The following GRM7 variants were observed in gnomAD, a reference collection of about 807,000 sequenced individuals.
The protein encoded by GRM7 is glutamate metabotropic receptor 7.
In GRM7, 35 loss-of-function variants were observed where a neutral mutation model predicts 84.5. The observed-to-expected ratio is 0.41, with a 90% CI of 0.32 to 0.55. The LOEUF is 0.55. Ranked by LOEUF, GRM7 falls within the 20% of genes least tolerant of loss-of-function variation. GRM7 has a pLI of 0.19. For missense variants in GRM7, 1,003 were observed against 1,194.6 expected, an observed-to-expected ratio of 0.84 and a Z score of 2.36; for synonymous variants, 487 against 455.1, an observed-to-expected ratio of 1.07 and a Z score of -0.89.
At chr3:7,544,625 G>A (rs1347245094) in intron 7 of GRM7, among the ~76,000 whole-genome samples, 3 of 152,086 alleles carry the variant, frequency 2.0e-5, no homozygotes, top group Non-Finnish European at 2.9e-5. Flanking sequence ...CCCAAGTCTC[G>A]ACTTATACAG....
chr3:7,613,573 T>C (rs896120247), intron 8 of GRM7, among the ~76,000 whole-genome samples: 1 of 152,164 alleles, frequency 6.6e-6, no homozygotes, highest in Non-Finnish European at 1.5e-5. Flanking sequence ...TGTTTTCCCC[T>C]AGAAGTTTCA....
chr3:6,939,238 T>C (rs1697803183), intron 1 of GRM7, among the ~76,000 whole-genome samples: 2 of 152,158 alleles, frequency 1.3e-5, no homozygotes, highest in South Asian at 2.1e-4. Context: ...AGGCTTTAGT[T>C]GTAATAAGAA....
chr3:7,018,518 C>T (rs1489925758), intron 1 of GRM7, among the ~76,000 whole-genome samples: 2 of 152,226 alleles, frequency 1.3e-5, no homozygotes, highest in Non-Finnish European at 2.9e-5. Context: ...CCATACTGTA[C>T]TTTTGGGCTG....
chr3:7,476,028 G>A (rs1353363683), intron 7 of GRM7, among the ~76,000 whole-genome samples: 1 of 152,156 alleles, frequency 6.6e-6, no homozygotes, highest in Non-Finnish European at 1.5e-5. Flanking sequence ...TAGTAGATCA[G>A]TATTCACACG....
At chr3:7,440,943 G>A (rs539751108) in intron 5 of GRM7, among the ~76,000 whole-genome samples, 36 of 152,192 alleles carry the variant, frequency 2.4e-4, no homozygotes, top group African/African-American at 6.7e-4. Context: ...TGTGAATAGC[G>A]CTGCCATGAA....
chr3:7,087,392 CTTTTT>C (rs55998387), intron 1 of GRM7, among the ~76,000 whole-genome samples: 2 of 147,212 alleles, frequency 1.4e-5, no homozygotes, highest in African/African-American at 2.5e-5. Context: ...AGAATATGCT[CTTTTT>C]TTTTTTTTTA....
chr3:7,543,782 G>A (rs990978142), intron 7 of GRM7, among the ~76,000 whole-genome samples: 1 of 152,200 alleles, frequency 6.6e-6, no homozygotes, highest in African/African-American at 2.4e-5. Flanking sequence ...CATGGTGAGC[G>A]CTTGCCTCAA....
chr3:7,645,618 C>CTAA (rs1237634202), intron 8 of GRM7, among the ~76,000 whole-genome samples: 5 of 150,504 alleles, frequency 3.3e-5, no homozygotes, highest in African/African-American at 1.2e-4. Context: ...CCCACCAAAC[C>CTAA]TAATTGACAA....
At chr3:7,698,092 T>C (rs777467885) in intron 9 of GRM7, among the ~76,000 whole-genome samples, 3 of 152,114 alleles carry the variant, frequency 2.0e-5, no homozygotes, top group Non-Finnish European at 2.9e-5. Context: ...AGTTTGCAAT[T>C]AAAAGGAGAA....
At chr3:7,562,664 A>G (rs1694079919) in intron 7 of GRM7, among the ~76,000 whole-genome samples, 1 of 152,168 alleles carries the variant, frequency 6.6e-6, no homozygotes, top group South Asian at 2.1e-4. Context: ...GAAAGAATAC[A>G]GATTCCACAG....
intron 5 of GRM7, among the ~76,000 whole-genome samples, chr3:7,438,036 G>A (rs1697131124): frequency 6.6e-6 from 1 of 152,008 alleles, no homozygotes; most frequent in Non-Finnish European, 1.5e-5. Context: ...GTGACTGAAG[G>A]GAGTCAGATT....
intron 1 of GRM7, among the ~76,000 whole-genome samples, chr3:6,864,322 T>C (rs1382858556): frequency 6.6e-6 from 1 of 152,200 alleles, no homozygotes; most frequent in Non-Finnish European, 1.5e-5. Context: ...TCACTGCCCA[T>C]GTTGGAATAT....
chr3:7,505,952 C>T (rs1016177572), intron 7 of GRM7, among the ~76,000 whole-genome samples: 9 of 152,318 alleles, frequency 5.9e-5, no homozygotes, highest in East Asian at 5.8e-4. Flanking sequence ...CATTCTCTAC[C>T]GCATCACCAG....
chr3:7,088,205 G>C (rs1255644800), intron 1 of GRM7, among the ~76,000 whole-genome samples: 1 of 150,486 alleles, frequency 6.6e-6, no homozygotes, highest in Non-Finnish European at 1.5e-5. Context: ...CCTGGGACAT[G>C]GGATTGAACT....
At chr3:7,417,973 C>A (rs1337308043) in intron 5 of GRM7, among the ~76,000 whole-genome samples, 1 of 151,998 alleles carries the variant, frequency 6.6e-6, no homozygotes, top group Non-Finnish European at 1.5e-5. Context: ...AATGCAAAGT[C>A]ATGAGAGGAA....
intron 1 of GRM7, among the ~76,000 whole-genome samples, chr3:7,010,867 A>G (rs572324178): frequency 9.2e-5 from 14 of 152,308 alleles, no homozygotes; most frequent in African/African-American, 2.9e-4. Flanking sequence ...AGAAAATGGG[A>G]AAAAAGCAAA....
At chr3:7,214,729 G>A (rs569361661) in intron 2 of GRM7, among the ~76,000 whole-genome samples, 1 of 152,246 alleles carries the variant, frequency 6.6e-6, no homozygotes, top group South Asian at 2.1e-4. Context: ...ATGCTGGCAG[G>A]TTTGAAAAAT....
rs959569219 is a variant in GRM7 at position 7,456,959 on chromosome 3, C to T, written c.1375+4152C>T. On this transcript the variant is annotated intron_variant, in intron 6 of 9. Transcript: ENST00000357716. The stretch of plus-strand genomic sequence containing the variant: ...TTTACTCATTCAATTTTCTGACTTT[C>T]GGTTAAAAAATCAAATCCTAGAGAA... Among the ~76,000 whole-genome samples the T allele has an allele frequency of 6.2e-4, 94 of 152,124 alleles. 2 individuals carry two copies. Among genetic ancestry groups the T allele is most frequent in the Admixed American group, 5.9e-3 (90 of 15,272 alleles).
rs574917994 is a variant in GRM7 at position 7,385,289 on chromosome 3, A to ATTTTT, written c.1034-29709_1034-29705dup. Among the ~76,000 whole-genome samples the ATTTTT allele has an allele frequency of 2.2e-4, 15 of 67,288 alleles. 1 individual carries two copies. Among genetic ancestry groups the ATTTTT allele is most frequent in the East Asian group, 1.6e-3 (3 of 1,858 alleles). 44.1% of individuals were successfully genotyped at this position (67,288 alleles called of 152,430 possible). A position where few individuals can be genotyped will look rare whatever the true frequency, so the allele number is the denominator to read the frequency against. The stretch of plus-strand genomic sequence containing the variant: ...TTTGTGGAATCTTATTTCTATATGG[A>ATTTTT]TTTTTTTTTTTTTTTTTTTTTTTTT... On this transcript the variant is annotated intron_variant, in intron 4 of 9. Coordinates refer to ENST00000357716, the MANE Select transcript of GRM7 (RefSeq NM_000844.4).
Sources: allele counts gnomAD v4.1 joint callset (sites outside exome capture counted in the v4.1 genomes callset), GRCh38; gene constraint gnomAD v4.1.1; transcripts MANE v1.5; gene names NCBI Gene and HGNC (gene_info 2026-07-23, HGNC 2026-07-21).